MED1: variants seen among roughly 807,000 people sequenced by gnomAD.
MED1 encodes mediator of RNA polymerase II transcription subunit 1.
A neutral mutation model predicts 121.3 loss-of-function variants in MED1; 17 were observed. The observed-to-expected ratio is 0.14, with a 90% CI of 0.10 to 0.21. The LOEUF (loss-of-function observed/expected upper bound fraction) is 0.21. Among genes scored for constraint, MED1 ranks in the 10% least tolerant of loss-of-function variants. MED1 has a pLI of 1.00. For synonymous variants in MED1, 661 were observed against 694.4 expected (o/e 0.95, Z 0.76); for missense variants, 1,558 against 1,919.4 (o/e 0.81, Z 3.52).
rs995363007 is a variant in MED1 at position 39,406,877 on chromosome 17, A to C, written c.*598T>G. On this transcript the variant is annotated 3_prime_UTR_variant, in exon 17 of 17. Transcript: ENST00000300651. ...ATAAAAACAAACAGATAAAGGGTTA[A>C]AATATTACAAATAAATAGCTAAAAT... 19 of 985,584 alleles carry C rather than the reference A, an allele frequency of 1.9e-5. No individual in the cohort carries two copies. In the African/African-American group the frequency reaches 3.1e-4, roughly 16 times the overall value. 61.1% of individuals were successfully genotyped at this position (985,584 alleles called of 1,614,324 possible).
Position 39,440,614 on chromosome 17 carries a change from A to T in MED1, c.266+9T>A. 6.2e-7 allele frequency: 1 copy of T among 1,612,426 alleles called. No individual in the cohort carries two copies. The highest frequency in any genetic ancestry group is 8.5e-7 in the Non-Finnish European group (1 of 1,178,606). On this transcript the variant is annotated intron_variant, in intron 4 of 16. Transcript: ENST00000300651. This position sits in a 1 kb window ranked among gnomAD's most constrained non-coding sequence, Gnocchi z 4.1. ...GTTAAACATTTCTGCCTACAGAAAGACTACTTACCCATTCTGTCTTGCTAT... is the reference window on the plus strand; with the variant it reads ...GTTAAACATTTCTGCCTACAGAAAGTCTACTTACCCATTCTGTCTTGCTAT...
intron 3 of MED1, among the ~76,000 whole-genome samples, chr17:39,442,905 CAAAAAAAAA>C (rs751236293): frequency 1.2e-4 from 2 of 17,358 alleles, no homozygotes; most frequent in Admixed American, 7.2e-4. Context: ...AACTCCATCT[CAAAAAAAAA>C]AAAAAAAAAA....
At chr17:39,431,281 CTTTT>C (rs35691977) in intron 8 of MED1, 93 bp from the exon 9 acceptor site, 32 of 687,676 alleles carry the variant, frequency 4.7e-5, no homozygotes, top group South Asian at 9.0e-5. Context: ...GAAGTCTTGT[CTTTT>C]TTTTTTTTTG....
intron 14 of MED1, among the ~76,000 whole-genome samples, chr17:39,416,625 T>C (rs1351345841): frequency 6.6e-6 from 1 of 152,200 alleles, no homozygotes; most frequent in African/African-American, 2.4e-5. Flanking sequence ...TTTGAACATA[T>C]ATGCTCTATG....
At chr17:39,424,425 C>T (rs985392766) in intron 11 of MED1, among the ~76,000 whole-genome samples, 1 of 152,146 alleles carries the variant, frequency 6.6e-6, no homozygotes, top group African/African-American at 2.4e-5. Flanking sequence ...CTCTTCTTTC[C>T]CTTTCAGTGC....
intron 14 of MED1, 44 bp downstream of exon 14, chr17:39,419,673 T>A (rs1288133594): frequency 6.5e-7 from 1 of 1,545,654 alleles, no homozygotes; most frequent in Non-Finnish European, 8.9e-7. Context: ...ACTGGAGAAG[T>A]AAGTTTCCAT....
chr17:39,423,568 G>C, intron 12 of MED1, 123 bp from the exon 13 acceptor site: 2 of 1,446,748 alleles, frequency 1.4e-6, no homozygotes, highest in Non-Finnish European at 1.9e-6. Flanking sequence ...CTAGTACAAA[G>C]CACTATAACA....
Position 39,419,849 on chromosome 17 carries a change from G to A in MED1, c.1165C>T (p.Gln389Ter). ...GTGATTTTGCTAACAAGGGTTCCCT[G>A]TAGACTTCGGCCATCTGGAAGAGGA... ...DAPLPDGRSLQGTLVSKITFQ... is the reference protein window; with the variant it reads ...DAPLPDGRSL The change falls in exon 14 of 17, where the codon CAG becomes TAG. Residue 389 changes from glutamine (Q) to a stop codon, truncating the protein, a stop_gained. Coordinates refer to ENST00000300651, the MANE Select transcript of MED1 (RefSeq NM_004774.4). LOFTEE classifies it high-confidence loss of function. The A allele has an allele frequency of 6.2e-7, 1 of 1,614,108 alleles. No homozygotes were observed. Among genetic ancestry groups the A allele is most frequent in the Non-Finnish European group, 8.5e-7 (1 of 1,179,982 alleles).
At chr17:39,429,839 C>T (rs2144749298) in intron 9 of MED1, among the ~76,000 whole-genome samples, 1 of 151,896 alleles carries the variant, frequency 6.6e-6, no homozygotes, top group African/African-American at 2.4e-5. Context: ...ATAATCCCAA[C>T]CCTTTGCAAT....
intron 13 of MED1, among the ~76,000 whole-genome samples, chr17:39,422,863 CTTTTTTT>C (rs372712559): frequency 5.4e-4 from 53 of 98,980 alleles, no homozygotes; most frequent in African/African-American, 1.9e-3. Context: ...TCCGAGATTT[CTTTTTTT>C]TTTTTTTTTT....
chr17:39,440,485 T>G lies in MED1; in HGVS notation c.300A>C (p.Glu100Asp). Residue 100 changes from glutamate to aspartate, a missense_variant, in exon 5 of 17, where the codon GAA (glutamate) becomes GAC (aspartate). Around this residue, in one of 5 missense-constraint regions of MED1, gnomAD observed 443 missense variants for 532.4 expected, o/e 0.83. Transcript: ENST00000300651. This position sits in a 1 kb window ranked among gnomAD's most constrained non-coding sequence, Gnocchi z 4.1. Reference protein sequence around the residue: ...LGSHLSASGTECYITSDMFYV... With the variant: ...LGSHLSASGTDCYITSDMFYV... ...AGAACATATCTGACGTGATGTAACA[T>G]TCAGTGCCACTGGCACTGAGATGAG... is the stretch of plus-strand genomic sequence containing the variant. 2 of 1,607,406 alleles carry G rather than the reference T, an allele frequency of 1.2e-6. No homozygotes were observed. Among genetic ancestry groups the G allele is most frequent in the Non-Finnish European group, 1.7e-6 (2 of 1,178,356 alleles).
At chr17:39,446,007 TGACA>T (rs1365663978) in intron 2 of MED1, among the ~76,000 whole-genome samples, 1 of 145,742 alleles carries the variant, frequency 6.9e-6, no homozygotes, top group African/African-American at 2.6e-5. Context: ...CCAGCCTAGG[TGACA>T]GACAGAGATT....
chr17:39,443,141 A>C (rs1298538865), intron 3 of MED1, among the ~76,000 whole-genome samples: 1 of 150,142 alleles, frequency 6.7e-6, no homozygotes, highest in East Asian at 2.0e-4. Flanking sequence ...AGCTGGGATT[A>C]TAGGTGCCCG....
chr17:39,405,003 A>T lies in MED1; in HGVS notation c.*2472T>A, dbSNP rs2048292034. The stretch of plus-strand genomic sequence containing the variant: ...AAAGACAGAAGAGGAATCAGGTCAA[A>T]CTGAGAATACATAAGACACCAGCAG... On this transcript the variant is annotated 3_prime_UTR_variant, in exon 17 of 17. Coordinates refer to ENST00000300651, the MANE Select transcript of MED1 (RefSeq NM_004774.4). 1 of 483,354 alleles carries T rather than the reference A, an allele frequency of 2.1e-6. No homozygotes were observed. Among genetic ancestry groups the T allele is most frequent in the Admixed American group, 3.5e-5 (1 of 28,202 alleles). 29.9% of individuals were successfully genotyped at this position (483,354 alleles called of 1,614,324 possible).
chr17:39,408,057 A>G lies in MED1; in HGVS notation c.4164T>C (p.Gly1388=), dbSNP rs1453193759. The G allele has an allele frequency of 6.2e-7, 1 of 1,613,940 alleles. No individual in the cohort carries two copies. The highest frequency in any genetic ancestry group is 8.5e-7 in the Non-Finnish European group (1 of 1,179,994). ...TSESKNVGST[G]VAKIIISKHD... ...GCTTACTGATGATAATTTTTGCCAC[A>G]CCTGTGCTCCCCACATTTTTTGACT... Residue 1388 remains glycine (G), a synonymous_variant, in exon 17 of 17, where the codon GGT becomes GGC. Coordinates refer to ENST00000300651, the MANE Select transcript of MED1 (RefSeq NM_004774.4). This position sits in a 1 kb window ranked among gnomAD's most constrained non-coding sequence, Gnocchi z 4.7.
intron 2 of MED1, among the ~76,000 whole-genome samples, chr17:39,445,970 A>G (rs1055462870): frequency 2.0e-5 from 3 of 151,556 alleles, no homozygotes; most frequent in Non-Finnish European, 4.4e-5. Flanking sequence ...CGGAGGATGC[A>G]GTGAGCCAAG....
At chr17:39,434,467 C>A in intron 6 of MED1, 147 bp from the exon 7 acceptor site, 1 of 487,210 alleles carries the variant, frequency 2.1e-6, no homozygotes, top group South Asian at 4.1e-5. Context: ...AGTTTTCTAG[C>A]ATCAATGTAA....
At position 39,440,266 on chromosome 17, in the gene MED1, T is replaced by C. The variant is rs1339540773; in HGVS notation, c.399+120A>G. ...GTTGATTTTGTAGCCCATCACATCATCTCTACAGTGGCTCATGGAAAAACC... is the reference window on the plus strand; with the variant it reads ...GTTGATTTTGTAGCCCATCACATCACCTCTACAGTGGCTCATGGAAAAACC... On this transcript the variant is annotated intron_variant, in intron 5 of 16. Coordinates refer to ENST00000300651, the MANE Select transcript of MED1 (RefSeq NM_004774.4). This position sits in a 1 kb window ranked among gnomAD's most constrained non-coding sequence, Gnocchi z 4.1. 1.5e-5 allele frequency: 15 copies of C among 1,011,156 alleles called. No homozygotes were observed. The highest frequency in any genetic ancestry group is 2.8e-5 in the Admixed American group (1 of 36,086). The allele number at this position is 1,011,156 out of a possible 1,614,324, so 62.6% of individuals were successfully genotyped here.
At chr17:39,432,173 T>C (rs529170180) in intron 7 of MED1, among the ~76,000 whole-genome samples, 157 bp from the exon 8 acceptor site, 1 of 151,442 alleles carries the variant, frequency 6.6e-6, no homozygotes, top group African/African-American at 2.4e-5. Context: ...CAAAACCCCA[T>C]CTCTACTAAA....
Sources: allele counts gnomAD v4.1 joint callset (sites outside exome capture counted in the v4.1 genomes callset), GRCh38; gene constraint gnomAD v4.1.1; regional missense constraint gnomAD v4.1.1; non-coding constraint Gnocchi (gnomAD v3.1); transcripts MANE v1.5; gene names NCBI Gene and HGNC (gene_info 2026-07-23, HGNC 2026-07-21).